The following KIAA0319L variants were observed in gnomAD, a reference collection of about 807,000 sequenced individuals.
KIAA0319L encodes dyslexia-associated protein KIAA0319-like protein.
In KIAA0319L, 55 loss-of-function variants were observed where a neutral mutation model predicts 120.1. The ratio of observed to expected loss-of-function variants is 0.46; its 90% CI spans 0.37 to 0.57. The LOEUF (loss-of-function observed/expected upper bound fraction) is 0.57, where lower values mean the gene tolerates loss of function less well. Among genes scored for constraint, KIAA0319L ranks in the 20% least tolerant of loss-of-function variants. KIAA0319L has a pLI of 0.00. For synonymous variants in KIAA0319L, 398 were observed against 471.9 expected, an observed-to-expected ratio of 0.84 and a Z score of 2.03; for missense variants, 1,049 against 1,255.3, an observed-to-expected ratio of 0.84 and a Z score of 2.48.
chr1:35,520,864 A>C (rs958623277), intron 2 of KIAA0319L, among the ~76,000 whole-genome samples: 3 of 152,236 alleles, frequency 2.0e-5, no homozygotes, highest in African/African-American at 7.2e-5. Context: ...ATTGGAGACT[A>C]ATATAAATGC....
intron 18 of KIAA0319L, among the ~76,000 whole-genome samples, chr1:35,442,595 C>A (rs1028553839): frequency 6.6e-6 from 1 of 152,184 alleles, no homozygotes. Context: ...AAGAGGGAAA[C>A]GAGGGCTTCC....
chr1:35,456,354 T>TACCACA, intron 9 of KIAA0319L, 113 bp from the exon 10 acceptor site: 3 of 654,712 alleles, frequency 4.6e-6, no homozygotes, highest in Non-Finnish European at 7.7e-6. Flanking sequence ...GGTTACCTAT[T>TACCACA]CTTACCCACT....
chr1:35,457,981 G>C (rs1170689152), intron 9 of KIAA0319L, among the ~76,000 whole-genome samples: 7 of 152,152 alleles, frequency 4.6e-5, no homozygotes, highest in Non-Finnish European at 1.0e-4. Context: ...TGTCGCCCAG[G>C]CTGGAGTGCA....
intron 3 of KIAA0319L, among the ~76,000 whole-genome samples, chr1:35,498,282 G>A (rs928601137): frequency 1.3e-5 from 2 of 151,610 alleles, no homozygotes; most frequent in South Asian, 4.2e-4. Flanking sequence ...GAAGTGAGCC[G>A]AGATTGCACC....
Position 35,449,918 on chromosome 1 carries a change from C to T in KIAA0319L, c.2302G>A (p.Asp768Asn), listed in dbSNP as rs375965267. The change falls in exon 15 of 21, where the codon GAT becomes AAT. Residue 768 changes from aspartate to asparagine, a missense_variant. Transcript: ENST00000325722. ...TCTGTGTCACTCTCACCCTTTGCAT[C>T]GGTCACTTTCAGGTGAAAAGTGTAG... ...GTYTFHLKVT[D>N]AKGESDTDRT... 32 of 1,613,960 alleles carry T rather than the reference C, an allele frequency of 2.0e-5. No homozygotes were observed. Among genetic ancestry groups the T allele is most frequent in the African/African-American group, 2.7e-5 (2 of 74,892 alleles).
intron 2 of KIAA0319L, among the ~76,000 whole-genome samples, chr1:35,542,318 C>G (rs1352234842): frequency 2.0e-5 from 3 of 152,180 alleles, no homozygotes; most frequent in African/African-American, 7.2e-5. Flanking sequence ...TCAGTAACAG[C>G]ACCCAGTACA....
intron 7 of KIAA0319L, 111 bp from the exon 8 acceptor site, chr1:35,462,824 C>G (rs1259041088): frequency 2.3e-6 from 2 of 863,286 alleles, no homozygotes; most frequent in East Asian, 5.3e-5. Context: ...TGGTCCCTAG[C>G]CTTTTTGGCA....
chr1:35,557,585 C>G (rs1571077006), upstream of KIAA0319L: 1 of 425,800 alleles, frequency 2.3e-6, no homozygotes, highest in East Asian at 7.1e-5. Flanking sequence ...CTCTCGCCGC[C>G]CGCTCTCCAG....
At chr1:35,525,783 C>A (rs1160657482) in intron 2 of KIAA0319L, among the ~76,000 whole-genome samples, 1 of 152,126 alleles carries the variant, frequency 6.6e-6, no homozygotes, top group African/African-American at 2.4e-5. Flanking sequence ...TCCCATTCAA[C>A]GGGTTCTCTC....
chr1:35,550,653 T>C (rs994840834), intron 2 of KIAA0319L, among the ~76,000 whole-genome samples: 10 of 152,260 alleles, frequency 6.6e-5, no homozygotes. Flanking sequence ...ATTGACAGCA[T>C]ATTGAATATG....
At chr1:35,465,305 C>T (rs1174593355) in intron 7 of KIAA0319L, among the ~76,000 whole-genome samples, 1 of 152,210 alleles carries the variant, frequency 6.6e-6, no homozygotes, top group African/African-American at 2.4e-5. Context: ...TAGCAACACA[C>T]CTCTTGCATC....
chr1:35,470,441 C>T (rs571360475), intron 6 of KIAA0319L, among the ~76,000 whole-genome samples: 3 of 149,448 alleles, frequency 2.0e-5, no homozygotes, highest in African/African-American at 4.9e-5. Flanking sequence ...TGCAGTGAGC[C>T]GTGATCACAC....
At chr1:35,557,173 T>C (rs1439981811) in intron 1 of KIAA0319L, 34 bp downstream of exon 1, 1 of 170,816 alleles carries the variant, frequency 5.9e-6, no homozygotes, top group Admixed American at 5.7e-5. Context: ...CCCATGGTCC[T>C]CGGCCTGGCA....
In KIAA0319L at chr1:35,506,751, G is replaced by T. The variant is rs772595264; in HGVS notation, c.527C>A (p.Ser176Tyr). ...PRAALRPAVS[S>Y]SDQQSLIRKL... ...CCTGATTAAGCTCTGCTGGTCACTG[G>T]AAGATACAGCAGGTCTGAGTGCAGC... The change falls in exon 3 of 21, where the codon TCC becomes TAC. Residue 176 changes from serine to tyrosine, a missense_variant. Coordinates refer to ENST00000325722, the MANE Select transcript of KIAA0319L (RefSeq NM_024874.5). This position sits in a 1 kb window ranked among gnomAD's most constrained non-coding sequence, Gnocchi z 4.0. The T allele has an allele frequency of 6.2e-7, 1 of 1,614,194 alleles. No homozygotes were observed. The highest frequency in any genetic ancestry group is 8.5e-7 in the Non-Finnish European group (1 of 1,180,030).
chr1:35,532,568 T>C (rs554063690), intron 2 of KIAA0319L, among the ~76,000 whole-genome samples: 6 of 152,272 alleles, frequency 3.9e-5, no homozygotes, highest in African/African-American at 1.4e-4. Context: ...GACAAAGAGT[T>C]CATAAAAGGA....
intron 5 of KIAA0319L, among the ~76,000 whole-genome samples, chr1:35,471,763 G>A (rs978294740): frequency 1.3e-5 from 2 of 152,136 alleles, no homozygotes; most frequent in Non-Finnish European, 2.9e-5. Flanking sequence ...AAAAAAACCT[G>A]AAACACTTAG....
chr1:35,463,665 A>C (rs1173671144), intron 7 of KIAA0319L, among the ~76,000 whole-genome samples: 1 of 152,240 alleles, frequency 6.6e-6, no homozygotes, highest in African/African-American at 2.4e-5. Context: ...ACAAAGTACA[A>C]GGAATGAAAA....
intron 2 of KIAA0319L, among the ~76,000 whole-genome samples, chr1:35,526,548 C>A (rs1646156960): frequency 6.6e-6 from 1 of 151,192 alleles, no homozygotes; most frequent in Non-Finnish European, 1.5e-5. Flanking sequence ...TGGGCTTAAA[C>A]AATCCTCCTG....
chr1:35,441,379 G>T (rs1641202526), intron 19 of KIAA0319L, among the ~76,000 whole-genome samples: 1 of 152,126 alleles, frequency 6.6e-6, no homozygotes, highest in South Asian at 2.1e-4. Context: ...ATCCCACAGG[G>T]GCAATGAAGG....
Sources: allele counts gnomAD v4.1 joint callset (sites outside exome capture counted in the v4.1 genomes callset), GRCh38; gene constraint gnomAD v4.1.1; non-coding constraint Gnocchi (gnomAD v3.1); transcripts MANE v1.5; gene names NCBI Gene and HGNC (gene_info 2026-07-23, HGNC 2026-07-21).